Variants in GRID2 observed in about 807,000 individuals in gnomAD.
GRID2 encodes the protein glutamate ionotropic receptor delta type subunit 2.
Under a neutral mutation model 114.8 loss-of-function variants are expected in GRID2, and 33 were observed. The observed-to-expected ratio is 0.29, with a 90% CI of 0.22 to 0.38. The LOEUF (loss-of-function observed/expected upper bound fraction) is 0.38. Among genes scored for constraint, GRID2 ranks in the 10% least tolerant of loss-of-function variants. The probability of loss-of-function intolerance (pLI) is 1.00; values close to 1 mark genes in which losing one functional copy is unlikely to be tolerated. For missense variants in GRID2, 1,184 were observed against 1,257.7 expected, an observed-to-expected ratio of 0.94 and a Z score of 0.89; for synonymous variants, 505 against 449.9, an observed-to-expected ratio of 1.12 and a Z score of -1.55.
rs1297938469 is a variant in GRID2, at chr4:93,422,962, C to T, written c.1539C>T (p.Val513=). 6.3e-7 allele frequency: 1 copy of T among 1,597,946 alleles called. No individual in the cohort carries two copies. ...GGAATGGCTTGGTAGGAGAACTTGT[C>T]TTTAAGGTAAGAATTACTTTATTTA... The part of the protein sequence containing the change: ...GTWNGLVGEL[V]FKRADIGISA... Residue 513 remains valine (V), a synonymous_variant, in exon 10 of 16, where the codon GTC becomes GTT. Coordinates refer to ENST00000282020, the MANE Select transcript of GRID2 (RefSeq NM_001510.4).
intron 1 of GRID2, among the ~76,000 whole-genome samples, chr4:92,480,358 T>C (rs1179978673): frequency 3.9e-5 from 6 of 152,164 alleles, no homozygotes; most frequent in African/African-American, 1.4e-4. Context: ...TGAGTCAATA[T>C]AGTGTTGAAA....
intron 1 of GRID2, among the ~76,000 whole-genome samples, chr4:92,476,182 T>C (rs865779208): frequency 1.3e-5 from 2 of 151,854 alleles, no homozygotes; most frequent in East Asian, 3.9e-4. Context: ...CCTGGCACCA[T>C]GCCCGGCTAA....
At chr4:92,309,268 T>C (rs1356199869) in intron 1 of GRID2, among the ~76,000 whole-genome samples, 1 of 152,034 alleles carries the variant, frequency 6.6e-6, no homozygotes, top group Non-Finnish European at 1.5e-5. Flanking sequence ...TAAAGGGCCA[T>C]TGCAATTTCA....
intron 8 of GRID2, among the ~76,000 whole-genome samples, chr4:93,243,158 C>A (rs576976612): frequency 2.0e-5 from 3 of 151,956 alleles, no homozygotes; most frequent in Admixed American, 6.6e-5. Flanking sequence ...TTGAAATTTT[C>A]ATTTTTATAA....
At chr4:93,320,274 G>A (rs1002920714) in intron 8 of GRID2, among the ~76,000 whole-genome samples, 21 of 152,058 alleles carry the variant, frequency 1.4e-4, no homozygotes, top group East Asian at 9.7e-4. Flanking sequence ...CCTTACTAAC[G>A]GAAATATAAG....
At chr4:93,383,219 A>C (rs1764023150) in intron 8 of GRID2, among the ~76,000 whole-genome samples, 1 of 152,162 alleles carries the variant, frequency 6.6e-6, no homozygotes, top group South Asian at 2.1e-4. Context: ...GTGCAACAAC[A>C]GTGACTACCT....
At chr4:93,068,209 TTATAG>T (rs1728482571) in intron 2 of GRID2, among the ~76,000 whole-genome samples, 2 of 152,084 alleles carry the variant, frequency 1.3e-5, no homozygotes, top group South Asian at 4.1e-4. Flanking sequence ...GTAATGCAAA[TTATAG>T]TAAAGTATAA....
In GRID2 at chr4:93,420,028, T is replaced by C. The variant is rs370614644; in HGVS notation, c.1348-2743T>C. The stretch of plus-strand genomic sequence containing the variant: ...AACTTCCTGGTGATTAAATTACTGA[T>C]AAACATAGCCGATTTTTTTTGGTTT... On this transcript the variant is annotated intron_variant, in intron 9 of 15. Coordinates refer to ENST00000282020, the MANE Select transcript of GRID2 (RefSeq NM_001510.4). 4.9e-4 allele frequency among the ~76,000 whole-genome samples: 75 copies of C among 152,248 alleles called. 1 individual carries two copies. Among genetic ancestry groups the C allele is most frequent in the African/African-American group, 1.8e-3 (73 of 41,562 alleles).
chr4:92,510,982 G>A (rs1274614379), intron 1 of GRID2, among the ~76,000 whole-genome samples: 1 of 151,788 alleles, frequency 6.6e-6, no homozygotes, highest in Admixed American at 6.6e-5. Flanking sequence ...GATAAAGTGA[G>A]TAAATATGTA....
chr4:93,462,084 G>A (rs1016479357), intron 11 of GRID2, among the ~76,000 whole-genome samples: 5 of 152,120 alleles, frequency 3.3e-5, no homozygotes, highest in Non-Finnish European at 7.4e-5. Flanking sequence ...CCACATATAT[G>A]TTTATTTAGC....
intron 1 of GRID2, among the ~76,000 whole-genome samples, chr4:92,581,226 C>T (rs1406657504): frequency 6.7e-6 from 1 of 149,048 alleles, no homozygotes; most frequent in Non-Finnish European, 1.5e-5. Context: ...GAAATAGTCA[C>T]AAGTACTCTT....
chr4:92,598,936 C>A (rs1434053842), intron 2 of GRID2, among the ~76,000 whole-genome samples: 1 of 151,528 alleles, frequency 6.6e-6, no homozygotes, highest in African/African-American at 2.4e-5. Flanking sequence ...TTATTACCTG[C>A]GTAGTCAGCG....
chr4:93,486,607 GC>G (rs1313174189), intron 11 of GRID2, among the ~76,000 whole-genome samples: 2 of 151,558 alleles, frequency 1.3e-5, no homozygotes, highest in Non-Finnish European at 3.0e-5. Flanking sequence ...TTCTTCATCT[GC>G]CAAGATCATA....
intron 12 of GRID2, among the ~76,000 whole-genome samples, chr4:93,502,844 G>A (rs763122069): frequency 2.1e-4 from 32 of 151,922 alleles, no homozygotes; most frequent in Non-Finnish European, 3.8e-4. Context: ...AGCAAGTGGT[G>A]AGGAAGGCGA....
chr4:92,381,114 T>G (rs539695982), intron 1 of GRID2, among the ~76,000 whole-genome samples: 101 of 152,200 alleles, frequency 6.6e-4, no homozygotes, highest in African/African-American at 2.1e-3. Flanking sequence ...TTAAGTGTTT[T>G]ATATGTGTAA....
intron 3 of GRID2, among the ~76,000 whole-genome samples, chr4:93,092,254 T>C (rs893009599): frequency 1.3e-5 from 2 of 152,054 alleles, no homozygotes; most frequent in Non-Finnish European, 2.9e-5. Flanking sequence ...AGGCTGAAAA[T>C]GGTCCAGTGA....
At chr4:92,396,918 T>A (rs1240810569) in intron 1 of GRID2, among the ~76,000 whole-genome samples, 2 of 152,114 alleles carry the variant, frequency 1.3e-5, no homozygotes, top group Non-Finnish European at 2.9e-5. Context: ...ATGGACAAAC[T>A]GCTCATTAAC....
intron 1 of GRID2, among the ~76,000 whole-genome samples, chr4:92,491,627 G>A (rs1054810721): frequency 4.0e-5 from 6 of 151,666 alleles, no homozygotes; most frequent in African/African-American, 1.5e-4. Context: ...TTTCACATTT[G>A]TCTTGTATAT....
chr4:92,932,154 G>A (rs1426044624), intron 2 of GRID2, among the ~76,000 whole-genome samples: 6 of 151,098 alleles, frequency 4.0e-5, no homozygotes, highest in African/African-American at 9.7e-5. Flanking sequence ...AAAAGTAATC[G>A]ATATTTAATA....
Sources: allele counts gnomAD v4.1 joint callset (sites outside exome capture counted in the v4.1 genomes callset), GRCh38; gene constraint gnomAD v4.1.1; transcripts MANE v1.5; gene names NCBI Gene and HGNC (gene_info 2026-07-23, HGNC 2026-07-21).